Variants in NRXN3 observed in about 807,000 individuals in gnomAD.
NRXN3 encodes the protein neurexin 3.
In NRXN3, 32 loss-of-function variants were observed where a neutral mutation model predicts 137.6. That is an observed-to-expected ratio of 0.23 (90% CI 0.18 to 0.31). NRXN3 has a LOEUF of 0.31. NRXN3 is among the 10% of genes least tolerant of loss of function. NRXN3 has a pLI of 1.00. For missense variants in NRXN3, 1,574 were observed against 2,062.5 expected, an observed-to-expected ratio of 0.76 and a Z score of 4.59; for synonymous variants, 798 against 784.5, an observed-to-expected ratio of 1.02 and a Z score of -0.29.
At chr14:79,127,679 G>A (rs886231208) in intron 15 of NRXN3, among the ~76,000 whole-genome samples, 8 of 151,982 alleles carry the variant, frequency 5.3e-5, no homozygotes, top group Admixed American at 4.6e-4. Flanking sequence ...GGTTCCATAT[G>A]AACTTTAAAG....
chr14:78,231,827 T>C (rs2065452441), intron 1 of NRXN3, among the ~76,000 whole-genome samples: 1 of 152,236 alleles, frequency 6.6e-6, no homozygotes, highest in African/African-American at 2.4e-5. Context: ...TATGAGTGTT[T>C]GCTGTTGCTG....
chr14:79,167,967 T>C (rs566225232), intron 15 of NRXN3, among the ~76,000 whole-genome samples: 13 of 150,760 alleles, frequency 8.6e-5, no homozygotes, highest in Admixed American at 2.0e-4. Flanking sequence ...TCAGGACTTA[T>C]GATTCTCAGA....
intron 20 of NRXN3, among the ~76,000 whole-genome samples, chr14:79,846,035 C>T (rs1472228675): frequency 1.3e-5 from 2 of 151,922 alleles, no homozygotes; most frequent in African/African-American, 4.8e-5. Context: ...GTTCATGGCA[C>T]CCCAAAATAG....
intron 19 of NRXN3, among the ~76,000 whole-genome samples, chr14:79,771,307 G>A (rs929114686): frequency 5.9e-5 from 9 of 152,100 alleles, no homozygotes; most frequent in Non-Finnish European, 1.0e-4. Flanking sequence ...CCAAAGCCGG[G>A]CAGAGACACA....
intron 4 of NRXN3, among the ~76,000 whole-genome samples, chr14:78,559,270 C>A (rs2096766010): frequency 6.6e-6 from 1 of 152,198 alleles, no homozygotes; most frequent in African/African-American, 2.4e-5. Flanking sequence ...ATTTTACTGG[C>A]AGCATGCTGT....
chr14:78,226,251 C>A (rs941919163), intron 1 of NRXN3, among the ~76,000 whole-genome samples: 2 of 152,134 alleles, frequency 1.3e-5, no homozygotes, highest in Non-Finnish European at 2.9e-5. Flanking sequence ...GATCCACTCA[C>A]CTTCACATCC....
chr14:79,511,280 A>G (rs115916863), intron 16 of NRXN3, among the ~76,000 whole-genome samples: 1 of 152,324 alleles, frequency 6.6e-6, no homozygotes, highest in African/African-American at 2.4e-5. Context: ...GGAAAGCACT[A>G]TAGGAACAGC....
intron 16 of NRXN3, among the ~76,000 whole-genome samples, chr14:79,603,555 T>C (rs2097955184): frequency 6.6e-6 from 1 of 152,248 alleles, no homozygotes; most frequent in African/African-American, 2.4e-5. Context: ...ATACCTAGTT[T>C]ATGCATGTCT....
chr14:79,553,017 CAG>C lies in NRXN3; in HGVS notation c.3444+85622_3444+85623del, dbSNP rs1157625475. On this transcript the variant is annotated intron_variant, in intron 16 of 20. Transcript: ENST00000335750. Reference sequence around the variant, plus strand: ...AAACTTTCTTCTGGTGAGAGAACTTCAGAGAGAGCCCCTCCCTACACTTAGGA... The same window carrying C: ...AAACTTTCTTCTGGTGAGAGAACTTCAGAGAGCCCCTCCCTACACTTAGGA... Among the ~76,000 whole-genome samples the C allele has an allele frequency of 8.9e-4, 135 of 152,020 alleles. 1 individual carries two copies. The highest frequency in any genetic ancestry group is 1.0e-4 in the Non-Finnish European group (7 of 67,972).
chr14:78,770,302 G>C (rs556621732), intron 8 of NRXN3, among the ~76,000 whole-genome samples: 1 of 152,254 alleles, frequency 6.6e-6, no homozygotes, highest in East Asian at 1.9e-4. Flanking sequence ...GCTTTCCGTG[G>C]CGTGGCCTGT....
chr14:79,544,124 G>A (rs1350525501), intron 16 of NRXN3, among the ~76,000 whole-genome samples: 1 of 152,180 alleles, frequency 6.6e-6, no homozygotes, highest in Non-Finnish European at 1.5e-5. Context: ...AAATGTCACA[G>A]CGCCCCCATG....
At position 79,861,380 on chromosome 14, in the gene NRXN3, A is replaced by G. The variant is rs1275008631; in HGVS notation, c.4132A>G (p.Lys1378Glu). The G allele has an allele frequency of 6.5e-7, 1 of 1,536,198 alleles. No homozygotes were observed. The highest frequency in any genetic ancestry group is 8.7e-7 in the Non-Finnish European group (1 of 1,146,918). The change falls in exon 21 of 21, where the codon AAA becomes GAA. Residue 1378 changes from lysine to glutamate, a missense_variant. Lys to Glu is a moderately conservative substitution (Grantham distance 56). Coordinates refer to ENST00000335750, the MANE Select transcript of NRXN3 (RefSeq NM_001330195.2). This position sits in a 1 kb window ranked among gnomAD's most constrained non-coding sequence, Gnocchi z 5.4. The part of the protein sequence containing the change: ...LSTSIFEGGY[K>E]AHAPKWESKD... ...CACTTCAATCTTCGAAGGTGGCTAC[A>G]AAGCACATGCGCCCAAGTGGGAATC...
chr14:78,555,908 T>G (rs1191651505), intron 4 of NRXN3, among the ~76,000 whole-genome samples: 1 of 152,226 alleles, frequency 6.6e-6, no homozygotes, highest in Non-Finnish European at 1.5e-5. Flanking sequence ...ATTCAAAGGT[T>G]GTCTTTTTAA....
chr14:79,202,436 G>A (rs1429911682), intron 15 of NRXN3, among the ~76,000 whole-genome samples: 4 of 151,968 alleles, frequency 2.6e-5, no homozygotes, highest in African/African-American at 7.3e-5. Context: ...GGTTACATGA[G>A]TAAGTTCTTT....
At chr14:79,664,181 T>C (rs561305456) in intron 17 of NRXN3, among the ~76,000 whole-genome samples, 3 of 152,288 alleles carry the variant, frequency 2.0e-5, no homozygotes, top group South Asian at 2.1e-4. Context: ...CTTTGACTGA[T>C]ACAGCCTGAC....
intron 4 of NRXN3, among the ~76,000 whole-genome samples, chr14:78,363,373 A>G (rs1284164375): frequency 2.0e-5 from 3 of 152,230 alleles, no homozygotes; most frequent in Admixed American, 1.3e-4. Flanking sequence ...AAAAAGAGTG[A>G]TTAATGATTG....
At chr14:79,133,284 T>G (rs2057804655) in intron 15 of NRXN3, among the ~76,000 whole-genome samples, 1 of 152,196 alleles carries the variant, frequency 6.6e-6, no homozygotes, top group Admixed American at 6.5e-5. Context: ...GTGTTTCCCT[T>G]TCTTCCTTCA....
At chr14:78,727,310 A>C (rs1232032131) in intron 8 of NRXN3, among the ~76,000 whole-genome samples, 2 of 152,204 alleles carry the variant, frequency 1.3e-5, no homozygotes, top group African/African-American at 2.4e-5. Context: ...AGGAGAAAGC[A>C]TGTATTGTTA....
intron 15 of NRXN3, among the ~76,000 whole-genome samples, chr14:79,220,449 G>C (rs936800043): frequency 6.6e-6 from 1 of 152,118 alleles, no homozygotes; most frequent in Non-Finnish European, 1.5e-5. Context: ...TGATGAAACA[G>C]TATTGACACG....
Sources: gnomAD v4.1 joint callset for allele counts (sites outside exome capture counted in the v4.1 genomes callset) on GRCh38, gnomAD v4.1.1 for gene constraint, Gnocchi (gnomAD v3.1) non-coding constraint, MANE v1.5 for transcripts, NCBI Gene and HGNC (gene_info 2026-07-23, HGNC 2026-07-21) for gene names.